DGKZ: variants seen among roughly 807,000 people sequenced by gnomAD.
DGKZ encodes diacylglycerol kinase zeta.
DGKZ carries 45 observed loss-of-function variants against 142.5 expected under a neutral mutation model. The observed-to-expected ratio is 0.32, with a 90% CI of 0.25 to 0.40. The LOEUF (loss-of-function observed/expected upper bound fraction) is 0.40. DGKZ is among the 10% of genes least tolerant of loss of function. The pLI is 1.00. For synonymous variants in DGKZ, 442 were observed against 527.0 expected, an observed-to-expected ratio of 0.84 and a Z score of 2.21; for missense variants, 755 against 1,306.5, an observed-to-expected ratio of 0.58 and a Z score of 6.51.
chr11:46,340,611 C>A (rs1335974181), intron 1 of DGKZ, among the ~76,000 whole-genome samples: 1 of 152,202 alleles, frequency 6.6e-6, no homozygotes. Context: ...CTCCAGGTTT[C>A]CTCCTGCTCA....
Position 46,347,890 on chromosome 11 carries a change from C to T in DGKZ, c.161+70C>T. On this transcript the variant is annotated intron_variant, in intron 1 of 30. Coordinates refer to ENST00000527911, the Ensembl canonical transcript of DGKZ. The surrounding 1 kb of genome is among the most constrained non-coding windows in gnomAD (Gnocchi z 6.4). ...TACCGCTCCCTCACCGGGGGACATT[C>T]CTCGGCCACTGGGGGTCCGGGCCAC... 1 of 1,266,122 alleles carries T rather than the reference C, an allele frequency of 7.9e-7. No individual in the cohort carries two copies. The highest frequency in any genetic ancestry group is 1.0e-6 in the Non-Finnish European group (1 of 1,003,930). 78.4% of individuals were successfully genotyped at this position (1,266,122 alleles called of 1,614,324 possible). A position where few individuals can be genotyped will look rare whatever the true frequency, so the allele number is the denominator to read the frequency against.
chr11:46,355,094 T>C (rs372654309), intron 1 of DGKZ, among the ~76,000 whole-genome samples: 2 of 152,304 alleles, frequency 1.3e-5, no homozygotes, highest in African/African-American at 4.8e-5. Context: ...TTTTTAGGCC[T>C]CTGTGTTTAT....
intron 1 of DGKZ, among the ~76,000 whole-genome samples, chr11:46,342,206 G>A (rs781638266): frequency 6.6e-6 from 1 of 152,122 alleles, no homozygotes; most frequent in African/African-American, 2.4e-5. Flanking sequence ...GGCACATGTT[G>A]TCCTAGGAAC....
At position 46,372,518 on chromosome 11, in the gene DGKZ, C is replaced by T; in HGVS notation, c.1010+8C>T. 6.2e-7 allele frequency: 1 copy of T among 1,614,046 alleles called. No homozygotes were observed. Among genetic ancestry groups the T allele is most frequent in the South Asian group, 1.1e-5 (1 of 91,088 alleles). Reference sequence around the variant, plus strand: ...GGGAGGGCCCAAGGAGGCGTAAGTACTTGCCAAGGTTTTGTGGGGGACATG... The same window carrying T: ...GGGAGGGCCCAAGGAGGCGTAAGTATTTGCCAAGGTTTTGTGGGGGACATG... On this transcript the variant is annotated splice_region_variant and intron_variant, in intron 11 of 30. Transcript: ENST00000527911. The surrounding 1 kb of genome is among the most constrained non-coding windows in gnomAD (Gnocchi z 5.9).
intron 1 of DGKZ, among the ~76,000 whole-genome samples, chr11:46,333,729 C>T (rs1564986530): frequency 2.0e-5 from 3 of 152,146 alleles, no homozygotes; most frequent in South Asian, 2.1e-4. Context: ...AACAGTGTAC[C>T]AGGCGCTAAG....
chr11:46,350,477 A>G (rs982791758), intron 1 of DGKZ, among the ~76,000 whole-genome samples: 1 of 151,678 alleles, frequency 6.6e-6, no homozygotes, highest in Admixed American at 6.6e-5. Context: ...CCAGTCATCC[A>G]CCCCATGTCC....
At chr11:46,350,153 A>G (rs1415033598) in intron 1 of DGKZ, among the ~76,000 whole-genome samples, 1 of 152,222 alleles carries the variant, frequency 6.6e-6, no homozygotes, top group African/African-American at 2.4e-5. Context: ...GAATACATTC[A>G]GAGAACCCAG....
At position 46,379,162 on chromosome 11, in the gene DGKZ, G is replaced by A. The variant is rs375752151; in HGVS notation, c.2540-41G>A. On this transcript the variant is annotated intron_variant, in intron 28 of 30. Transcript: ENST00000527911. ...CCTGGGGCCAAGGTGGGAGGAGGAG[G>A]GGCTGCCAGGCCTCTCTGACCACCA... 13 of 1,612,164 alleles carry A rather than the reference G, an allele frequency of 8.1e-6. No homozygotes were observed. In the African/African-American group the frequency reaches 1.6e-4, roughly 20 times the overall value.
chr11:46,334,425 A>T lies in DGKZ; in HGVS notation c.212+938A>T, dbSNP rs568995712. Among the ~76,000 whole-genome samples the T allele has an allele frequency of 3.5e-4, 54 of 152,322 alleles. No homozygotes were observed. In the South Asian group the frequency reaches 0.011, roughly 31 times the overall value. On this transcript the variant is annotated intron_variant, in intron 1 of 30. Transcript: ENST00000343674. ...GAGAGGACAAGTTCCCTGTCCACTT[A>T]CAACCATGGGGTGTTTGGGATATGT...
chr11:46,369,668 GGTCT>G (rs1224661785), intron 5 of DGKZ, 118 bp downstream of exon 5: 4 of 1,375,890 alleles, frequency 2.9e-6, no homozygotes, highest in African/African-American at 2.9e-5. Flanking sequence ...TGCTCACTGA[GGTCT>G]GTCTGAGGTC....
At chr11:46,354,079 C>G (rs1941721963) in intron 1 of DGKZ, among the ~76,000 whole-genome samples, 1 of 152,214 alleles carries the variant, frequency 6.6e-6, no homozygotes, top group African/African-American at 2.4e-5. Context: ...TGGAAGGCAT[C>G]CCCTTGGGGG....
intron 1 of DGKZ, among the ~76,000 whole-genome samples, chr11:46,360,544 T>C (rs2136437481): frequency 6.6e-6 from 1 of 151,250 alleles, no homozygotes; most frequent in African/African-American, 2.4e-5. Flanking sequence ...TCCTAGCACT[T>C]TGGGAGGCCG....
At chr11:46,345,146 G>A, upstream of DGKZ, 5 of 719,672 alleles carry the variant, frequency 6.9e-6, no homozygotes, top group East Asian at 7.5e-5. This position sits in a 1 kb window ranked among gnomAD's most constrained non-coding sequence, Gnocchi z 4.1. Context: ...AAATGGAGAG[G>A]AAAACCAGAC....
In DGKZ at chr11:46,369,828, G is replaced by A. The variant is rs140990488; in HGVS notation, c.502-113G>A. ...TCTTTAGCCCCTCCTCCACTCATGC[G>A]CAGGACTGCAGAGCGCTTCCTGCAG... On this transcript the variant is annotated intron_variant, in intron 5 of 30. Transcript: ENST00000527911. 1.3e-3 allele frequency: 1,548 copies of A among 1,165,508 alleles called. 8 individuals carry two copies. In the Middle Eastern group the frequency reaches 0.024, roughly 18 times the overall value. The allele number at this position is 1,165,508 out of a possible 1,614,324, so 72.2% of individuals were successfully genotyped here. A position where few individuals can be genotyped will look rare whatever the true frequency, so the allele number is the denominator to read the frequency against.
exon 1 of DGKZ, chr11:46,333,059 C>G (rs554876380): frequency 5.4e-6 from 2 of 371,718 alleles, no homozygotes; most frequent in Admixed American, 9.4e-5. Flanking sequence ...GCCCCCGCCC[C>G]CCCGGAGCGC....
At chr11:46,376,904 G>T in intron 24 of DGKZ, 169 bp from the exon 25 acceptor site, 1 of 667,502 alleles carries the variant, frequency 1.5e-6, no homozygotes. Flanking sequence ...GTCGGAGGAG[G>T]TGTCAGGAAT....
upstream of DGKZ, chr11:46,345,299 GCCCTGAGCCTGTGGT>G: frequency 7.3e-7 from 1 of 1,373,298 alleles, no homozygotes; most frequent in South Asian, 1.8e-5. The surrounding 1 kb of genome is among the most constrained non-coding windows in gnomAD (Gnocchi z 4.1). Context: ...GCGCCTATGA[GCCCTGAGCCTGTGGT>G]CCTCAGCTTG....
chr11:46,364,713 C>T (rs999772576), intron 1 of DGKZ: 9 of 985,338 alleles, frequency 9.1e-6, no homozygotes, highest in African/African-American at 7.0e-5. Context: ...AGGTGCTAGA[C>T]GTGCGGCCTG....
chr11:46,369,813 C>G, intron 5 of DGKZ, 128 bp from the exon 6 acceptor site: 20 of 1,044,846 alleles, frequency 1.9e-5, no homozygotes, highest in Non-Finnish European at 2.9e-5. Context: ...TCTTTAGCCC[C>G]TCCTCCACTC....
Sources: gnomAD v4.1 joint callset for allele counts (sites outside exome capture counted in the v4.1 genomes callset) on GRCh38, gnomAD v4.1.1 for gene constraint, Gnocchi (gnomAD v3.1) non-coding constraint, MANE v1.5 for transcripts, NCBI Gene and HGNC (gene_info 2026-07-23, HGNC 2026-07-21) for gene names.